Variants in ZNF423 observed in about 807,000 individuals in gnomAD.
ZNF423 encodes zinc finger protein 423.
Under a neutral mutation model 95.8 loss-of-function variants are expected in ZNF423, and 12 were observed. The ratio of observed to expected loss-of-function variants is 0.13; its 90% confidence interval spans 0.08 to 0.20. The LOEUF is 0.20. ZNF423 is among the 10% of genes least tolerant of loss of function. ZNF423 has a pLI of 1.00. For missense variants in ZNF423, 1,316 were observed against 1,737.1 expected (o/e 0.76, Z 4.31); for synonymous variants, 749 against 711.9 (o/e 1.05, Z -0.83).
intron 3 of ZNF423, among the ~76,000 whole-genome samples, chr16:49,679,033 C>T (rs1352532662): frequency 1.3e-5 from 2 of 152,240 alleles, no homozygotes; most frequent in African/African-American, 2.4e-5. Flanking sequence ...CAAGCACACT[C>T]CCGGGCTCAA....
At chr16:49,600,740 C>T (rs967513741) in intron 5 of ZNF423, among the ~76,000 whole-genome samples, 3 of 152,166 alleles carry the variant, frequency 2.0e-5, no homozygotes, top group African/African-American at 4.8e-5. Context: ...GCCATTAGCT[C>T]GTAATGGCCC....
At chr16:49,731,161 A>G (rs2033158818) in intron 2 of ZNF423, 190 bp from the exon 3 acceptor site, 1 of 474,316 alleles carries the variant, frequency 2.1e-6, no homozygotes, top group Non-Finnish European at 2.8e-6. Context: ...TCTCAACCAG[A>G]TTCTTTAATT....
Position 49,638,687 on chromosome 16 carries a change from C to T in ZNF423, c.489G>A (p.Arg163=), listed in dbSNP as rs750295672. 2 of 1,614,130 alleles carry T rather than the reference C, an allele frequency of 1.2e-6. No homozygotes were observed. Among genetic ancestry groups the T allele is most frequent in the South Asian group, 1.1e-5 (1 of 91,082 alleles). The change falls in exon 4 of 8, where the codon AGG becomes AGA. Residue 163 remains arginine, a synonymous_variant. Coordinates refer to ENST00000563137, the MANE Select transcript of ZNF423 (RefSeq NM_001379286.1). The surrounding 1 kb of genome is among the most constrained non-coding windows in gnomAD (Gnocchi z 5.6). ...KSFIRLSYLK[R]HEQIHSDKLP... is the part of the protein sequence containing the mutation. ...GCTTGTCGCTGTGGATCTGCTCGTG[C>T]CTCTTCAAGTAGCTCAAGCGGATGA... is the stretch of plus-strand genomic sequence containing the variant.
intron 2 of ZNF423, among the ~76,000 whole-genome samples, chr16:49,783,633 GGGGTTA>G (rs1272254816): frequency 6.9e-6 from 1 of 143,896 alleles, no homozygotes; most frequent in Non-Finnish European, 1.5e-5. Flanking sequence ...GGAGAGAGGG[GGGGTTA>G]GGGTTAGGGC....
At chr16:49,761,450 C>A (rs2033831583) in intron 2 of ZNF423, among the ~76,000 whole-genome samples, 1 of 152,200 alleles carries the variant, frequency 6.6e-6, no homozygotes, top group African/African-American at 2.4e-5. Flanking sequence ...TGGGAAGAAG[C>A]CCAAGATTGT....
intron 5 of ZNF423, among the ~76,000 whole-genome samples, chr16:49,572,297 G>T (rs935964819): frequency 6.6e-6 from 1 of 152,156 alleles, no homozygotes; most frequent in African/African-American, 2.4e-5. Context: ...CAGACCCCAT[G>T]AGTAAAAGGA....
At chr16:49,714,826 C>G (rs190242953) in intron 3 of ZNF423, among the ~76,000 whole-genome samples, 1 of 152,090 alleles carries the variant, frequency 6.6e-6, no homozygotes, top group Admixed American at 6.5e-5. Context: ...CACTGAAGAC[C>G]GAAATGCACC....
chr16:49,654,814 T>C (rs551597464), intron 3 of ZNF423, among the ~76,000 whole-genome samples: 2 of 152,314 alleles, frequency 1.3e-5, no homozygotes, highest in Non-Finnish European at 2.9e-5. Flanking sequence ...CTCTCCAGCA[T>C]TTCAGCAAAA....
intron 2 of ZNF423, among the ~76,000 whole-genome samples, chr16:49,743,427 T>C (rs1376086836): frequency 6.6e-6 from 1 of 152,136 alleles, no homozygotes; most frequent in Non-Finnish European, 1.5e-5. Context: ...CGCATCAGTT[T>C]TGTTCACTCT....
At chr16:49,713,618 C>T (rs988184871) in intron 3 of ZNF423, among the ~76,000 whole-genome samples, 4 of 152,216 alleles carry the variant, frequency 2.6e-5, no homozygotes, top group African/African-American at 9.6e-5. Flanking sequence ...CTGCCCGCTT[C>T]TGCAAATGGG....
chr16:49,545,868 A>C (rs1969421423), intron 5 of ZNF423, among the ~76,000 whole-genome samples: 1 of 152,184 alleles, frequency 6.6e-6, no homozygotes, highest in Non-Finnish European at 1.5e-5. Flanking sequence ...GGGCTCATAA[A>C]ATCTCTACGA....
chr16:49,614,397 T>TA (rs1295964734), intron 5 of ZNF423, among the ~76,000 whole-genome samples: 1 of 152,212 alleles, frequency 6.6e-6, no homozygotes, highest in Non-Finnish European at 1.5e-5. Context: ...GGCAATTTCT[T>TA]AAAAAGTCAA....
chr16:49,651,715 C>T (rs1030127668), intron 3 of ZNF423, among the ~76,000 whole-genome samples: 3 of 152,130 alleles, frequency 2.0e-5, no homozygotes, highest in African/African-American at 7.2e-5. Context: ...ATCTGTAAGG[C>T]GTTATATATG....
chr16:49,730,543 G>T, intron 3 of ZNF423: 1 of 579,130 alleles, frequency 1.7e-6, no homozygotes, highest in Non-Finnish European at 3.1e-6. Flanking sequence ...GGGAGAGGGG[G>T]CCGGGACAGA....
chr16:49,599,651 C>G lies in ZNF423; in HGVS notation c.3601+26519G>C, dbSNP rs183255483. 7.0e-4 allele frequency among the ~76,000 whole-genome samples: 106 copies of G among 152,308 alleles called. 1 individual carries two copies. Among genetic ancestry groups the G allele is most frequent in the Admixed American group, 6.7e-3 (103 of 15,298 alleles). On this transcript the variant is annotated intron_variant, in intron 5 of 7. Transcript: ENST00000563137. ...AAATGCACATTTTCCCATATTCACA[C>G]AGTGCAACAAACACACAGCAATACA...
At chr16:49,752,403 C>G (rs1392816710) in intron 2 of ZNF423, among the ~76,000 whole-genome samples, 1 of 152,252 alleles carries the variant, frequency 6.6e-6, no homozygotes, top group Non-Finnish European at 1.5e-5. Context: ...CAGCACCAGC[C>G]ATTTGACCCA....
At chr16:49,682,728 T>C (rs1018689153) in intron 3 of ZNF423, among the ~76,000 whole-genome samples, 2 of 152,238 alleles carry the variant, frequency 1.3e-5, no homozygotes, top group Non-Finnish European at 2.9e-5. Flanking sequence ...CCTGACTGTG[T>C]GGCCTTGGGC....
At chr16:49,581,072 T>C (rs1192437080) in intron 5 of ZNF423, among the ~76,000 whole-genome samples, 1 of 152,082 alleles carries the variant, frequency 6.6e-6, no homozygotes, top group Non-Finnish European at 1.5e-5. Context: ...TTAAGAACCG[T>C]GGACAAAAAC....
At position 49,789,544 on chromosome 16, in the gene ZNF423, C is replaced by T; in HGVS notation, c.43G>A (p.Glu15Lys). 6.2e-7 allele frequency: 1 copy of T among 1,611,882 alleles called. No individual in the cohort carries two copies. The highest frequency in any genetic ancestry group is 8.5e-7 in the Non-Finnish European group (1 of 1,179,396). The change falls in exon 2 of 8, where the codon GAA (glutamate) becomes AAA (lysine). Residue 15 changes from glutamate to lysine, a missense_variant and splice_region_variant. This residue lies in a region of ZNF423 where 155 missense variants were observed against 170.8 expected (regional missense o/e 0.91). Coordinates refer to ENST00000563137, the MANE Select transcript of ZNF423 (RefSeq NM_001379286.1). The stretch of plus-strand genomic sequence containing the variant: ...GAGAAGTCTGAGGCCTCCCCCTCTT[C>T]AACTGAAAGAGAGAACAGAGATGGG... ...KQAKPRSVKV[E>K]EGEASDFSLA... is the part of the protein sequence containing the mutation.
Sources: allele counts gnomAD v4.1 joint callset (sites outside exome capture counted in the v4.1 genomes callset), GRCh38; gene constraint gnomAD v4.1.1; regional missense constraint gnomAD v4.1.1; non-coding constraint Gnocchi (gnomAD v3.1); transcripts MANE v1.5; gene names NCBI Gene and HGNC (gene_info 2026-07-23, HGNC 2026-07-21).